MMP8: variants seen among roughly 807,000 people sequenced by gnomAD.
The protein encoded by MMP8 is matrix metallopeptidase 8, also known as neutrophil collagenase.
Under a neutral mutation model 51.2 loss-of-function variants are expected in MMP8, and 67 were observed. The ratio of observed to expected loss-of-function variants is 1.31; its 90% CI spans 1.08 to 1.60. The LOEUF (loss-of-function observed/expected upper bound fraction) is 1.60. Ranked by LOEUF, MMP8 falls within the 40% of genes most tolerant of loss-of-function variation. The probability of loss-of-function intolerance (pLI) is 0.00; values close to 1 mark genes in which losing one functional copy is unlikely to be tolerated. For synonymous variants in MMP8, 225 were observed against 191.0 expected, an observed-to-expected ratio of 1.18 and a Z score of -1.47; for missense variants, 654 against 558.1, an observed-to-expected ratio of 1.17 and a Z score of -1.73.
chr11:102,722,297 A>T, intron 2 of MMP8, 132 bp downstream of exon 2: 1 of 979,050 alleles, frequency 1.0e-6, no homozygotes, highest in Non-Finnish European at 1.5e-6. Flanking sequence ...ATATTCATTC[A>T]CTACTCACAC....
rs184419254 is a variant in MMP8 at position 102,715,445 on chromosome 11, A to C, written c.903-8T>G. 6.2e-4 allele frequency: 994 copies of C among 1,608,390 alleles called. 2 individuals carry two copies. Among genetic ancestry groups the C allele is most frequent in the Non-Finnish European group, 6.9e-4 (809 of 1,177,600 alleles). On this transcript the variant is annotated splice_region_variant and splice_polypyrimidine_tract_variant and intron_variant, in intron 6 of 9. Transcript: ENST00000236826. Reference sequence around the variant, plus strand: ...TGCCTTCTCCAGAAGTACCTAACGGAACATAAGGAAACACACACACACACT... The same window carrying C: ...TGCCTTCTCCAGAAGTACCTAACGGCACATAAGGAAACACACACACACACT...
chr11:102,722,375 G>T, intron 2 of MMP8, 54 bp downstream of exon 2: 1 of 1,573,588 alleles, frequency 6.4e-7, no homozygotes, highest in Non-Finnish European at 8.7e-7. Context: ...TGTCATATAA[G>T]AGCCCAGTCC....
intron 4 of MMP8, among the ~76,000 whole-genome samples, chr11:102,719,050 C>T (rs768834681): frequency 6.6e-6 from 1 of 152,198 alleles, no homozygotes; most frequent in Non-Finnish European, 1.5e-5. Context: ...TGTTGGCTCC[C>T]TCATCACCCA....
intron 1 of MMP8, chr11:102,723,191 A>G (rs1480683719): frequency 2.0e-6 from 1 of 499,654 alleles, no homozygotes; most frequent in African/African-American, 2.0e-5. Flanking sequence ...AATAATTTCA[A>G]ATATCTTTTA....
Position 102,714,553 on chromosome 11 carries a change from T to A in MMP8, c.1190+3A>T, listed in dbSNP as rs372709374. ...CTATAATTGAAAAAATAGTTTACGT[T>A]ACCTCCAGAATTGGTCATTTACAAA... is the stretch of plus-strand genomic sequence containing the variant. On this transcript the variant is annotated splice_donor_region_variant and intron_variant, in intron 8 of 9. Transcript: ENST00000236826. 9.0e-6 allele frequency: 13 copies of A among 1,440,668 alleles called. No individual in the cohort carries two copies. In the African/African-American group the frequency reaches 1.8e-4, roughly 20 times the overall value. 89.2% of individuals were successfully genotyped at this position (1,440,668 alleles called of 1,614,324 possible).
intron 1 of MMP8, among the ~76,000 whole-genome samples, chr11:102,724,371 G>C (rs1320431160): frequency 6.6e-6 from 1 of 152,160 alleles, no homozygotes; most frequent in Non-Finnish European, 1.5e-5. Context: ...TGGCGGCAAA[G>C]AAAATGCCTG....
Position 102,715,346 on chromosome 11 carries a change from C to T in MMP8, c.994G>A (p.Ala332Thr). 6.2e-7 allele frequency: 1 copy of T among 1,613,182 alleles called. No individual in the cohort carries two copies. The highest frequency in any genetic ancestry group is 8.5e-7 in the Non-Finnish European group (1 of 1,179,654). The stretch of plus-strand genomic sequence containing the variant: ...AGGTCTCTGTCAAAATCTTCATAAG[C>T]AGCCTGTATACCAGTTGGAAGGGAT... ...WPSLPTGIQAAYEDFDRDLIF... is the reference protein window; with the variant it reads ...WPSLPTGIQATYEDFDRDLIF... The change falls in exon 7 of 10, where the codon GCT (alanine) becomes ACT (threonine). Residue 332 changes from alanine to threonine, a missense_variant. Physicochemically the swap from Ala to Thr is moderately conservative, Grantham distance 58. Transcript: ENST00000236826.
intron 4 of MMP8, 84 bp downstream of exon 4, chr11:102,721,317 A>C (rs1861461260): frequency 9.5e-7 from 1 of 1,056,310 alleles, no homozygotes; most frequent in Non-Finnish European, 1.2e-6. Flanking sequence ...TGTTACCTTT[A>C]TTGTGTGTGT....
At position 102,724,841 on chromosome 11, in the gene MMP8, C is replaced by T. The variant is rs1256042709; in HGVS notation, c.15G>A (p.Lys5=). Residue 5 remains lysine (K), a synonymous_variant, in exon 1 of 10, where the codon AAG becomes AAA. Transcript: ENST00000236826. MFSL[K]TLPFLLLLHV... is the part of the protein sequence containing the mutation. Reference sequence around the variant, plus strand: ...GGAGTAAGAGCAGAAATGGAAGCGTCTTCAGGGAGAACATGATCTTCTCTT... The same window carrying T: ...GGAGTAAGAGCAGAAATGGAAGCGTTTTCAGGGAGAACATGATCTTCTCTT... 1.9e-6 allele frequency: 3 copies of T among 1,609,666 alleles called. No individual in the cohort carries two copies. In the African/African-American group the frequency reaches 4.0e-5, roughly 21 times the overall value.
chr11:102,713,274 A>G lies in MMP8; in HGVS notation c.*74T>C, dbSNP rs1194448904. The stretch of plus-strand genomic sequence containing the variant: ...ATATTGAGAAAAGTATAAGCAGGAC[A>G]CAATGTAACGAAAATGCTTGCTGAA... On this transcript the variant is annotated 3_prime_UTR_variant, in exon 10 of 10. Coordinates refer to ENST00000236826, the MANE Select transcript of MMP8 (RefSeq NM_002424.3). The G allele has an allele frequency of 3.1e-6, 3 of 971,442 alleles. No individual in the cohort carries two copies. Among genetic ancestry groups the G allele is most frequent in the Non-Finnish European group, 5.0e-6 (3 of 598,676 alleles). 60.2% of individuals were successfully genotyped at this position (971,442 alleles called of 1,614,324 possible).
chr11:102,713,588 A>C, intron 9 of MMP8, 131 bp from the exon 10 acceptor site: 2 of 997,742 alleles, frequency 2.0e-6, no homozygotes, highest in Non-Finnish European at 3.0e-6. Flanking sequence ...TTTAAACACC[A>C]GGTGCGGTGG....
Position 102,721,329 on chromosome 11 carries a change from TG to T in MMP8, c.622+71del. 3.2e-6 allele frequency: 5 copies of T among 1,560,850 alleles called. No homozygotes were observed. The Admixed American group carries it at 6.8e-5, about 21-fold the overall frequency. ...TTATGTTACCTTTATTGTGTGTGTG[TG>T]TGTGTGTGTATTCTAATCTGTAAAA... On this transcript the variant is annotated intron_variant, in intron 4 of 9. Coordinates refer to ENST00000236826, the MANE Select transcript of MMP8 (RefSeq NM_002424.3).
chr11:102,715,506 T>C (rs1235776153), intron 6 of MMP8, 69 bp from the exon 7 acceptor site: 1 of 1,541,522 alleles, frequency 6.5e-7, no homozygotes, highest in East Asian at 2.3e-5. Context: ...TTCCTGTGAC[T>C]TTTAGGCTAG....
chr11:102,721,221 C>CT (rs141808512), intron 4 of MMP8, among the ~76,000 whole-genome samples, 180 bp downstream of exon 4: 2,126 of 152,082 alleles, frequency 0.014, 53 homozygotes, highest in African/African-American at 0.048. Context: ...CTTTTTCTTT[C>CT]TTTTTTTAAA....
chr11:102,716,278 G>A (rs781257664), intron 6 of MMP8, 24 bp downstream of exon 6: 3 of 1,481,914 alleles, frequency 2.0e-6, no homozygotes, highest in Non-Finnish European at 2.8e-6. Flanking sequence ...AGGAATCAAA[G>A]GAAGAAATAT....
In MMP8 at chr11:102,718,409, C is replaced by A. The variant is rs748683623; in HGVS notation, c.784+5G>T. The A allele has an allele frequency of 1.9e-5, 31 of 1,607,916 alleles. 1 individual carries two copies. The Admixed American group carries it at 5.2e-4, about 27-fold the overall frequency. On this transcript the variant is annotated splice_donor_5th_base_variant and intron_variant, in intron 5 of 9. Coordinates refer to ENST00000236826, the MANE Select transcript of MMP8 (RefSeq NM_002424.3). ...TGTACTATGACTCTCTTGAGAAGAC[C>A]TTACCATAGATGGCCTGAATGCCAT... is the stretch of plus-strand genomic sequence containing the variant.
chr11:102,713,393 G>A lies in MMP8; in HGVS notation c.1359C>T (p.Thr453=), dbSNP rs1303580427. 3.1e-6 allele frequency: 5 copies of A among 1,613,440 alleles called. No homozygotes were observed. Among genetic ancestry groups the A allele is most frequent in the Admixed American group, 1.7e-5 (1 of 59,964 alleles). The change falls in exon 10 of 10, where the codon ACC becomes ACT. Residue 453 remains threonine, a synonymous_variant. Transcript: ENST00000236826. The stretch of plus-strand genomic sequence containing the variant: ...GCCATTTATTGCCTCTTGCAACTCT[G>A]GTAACTCTCTGAGCAATAAGATCAA... ...YAFDLIAQRV[T]RVARGNKWLN... is the part of the protein sequence containing the mutation.
rs746406019 is a variant in MMP8, at chr11:102,722,382, G to A, written c.347+47C>T. The A allele has an allele frequency of 1.9e-6, 3 of 1,596,560 alleles. No homozygotes were observed. The South Asian group carries it at 3.4e-5, about 18-fold the overall frequency. Reference sequence around the variant, plus strand: ...ACAGTGTCTGTCATATAAGAGCCCAGTCCATACTGGATAAATGAGTGTATC... The same window carrying A: ...ACAGTGTCTGTCATATAAGAGCCCAATCCATACTGGATAAATGAGTGTATC... On this transcript the variant is annotated intron_variant, in intron 2 of 9. Transcript: ENST00000236826.
At position 102,712,523 on chromosome 11, in the gene MMP8, A is replaced by G. The variant is rs1406944192; in HGVS notation, c.*825T>C. ...ATTCTGCAGGTGTCAGCAGGGTCAC[A>G]CTTGAAGGCTATTGGAGGGAATCCT... is the stretch of plus-strand genomic sequence containing the variant. On this transcript the variant is annotated 3_prime_UTR_variant, in exon 10 of 10. Coordinates refer to ENST00000236826, the MANE Select transcript of MMP8 (RefSeq NM_002424.3). 2 of 152,216 alleles carry G rather than the reference A, an allele frequency of 1.3e-5. No homozygotes were observed. Among genetic ancestry groups the G allele is most frequent in the African/African-American group, 4.8e-5 (2 of 41,444 alleles). The allele number at this position is 152,216 out of a possible 1,614,324, so 9.4% of individuals were successfully genotyped here.
Sources: allele counts gnomAD v4.1 joint callset (sites outside exome capture counted in the v4.1 genomes callset), GRCh38; gene constraint gnomAD v4.1.1; transcripts MANE v1.5; gene names NCBI Gene and HGNC (gene_info 2026-07-23, HGNC 2026-07-21).